The following APOLD1 variants were observed in gnomAD, a reference collection of about 807,000 sequenced individuals.
APOLD1 encodes the protein apolipoprotein L domain-containing protein 1.
In APOLD1, 22 loss-of-function variants were observed where a neutral mutation model predicts 15.3. The ratio of observed to expected loss-of-function variants is 1.44; its 90% confidence interval spans 1.03 to 2.05. The LOEUF is 2.05. Ranked by LOEUF, APOLD1 falls within the 30% of genes most tolerant of loss-of-function variation. APOLD1 has a pLI of 0.00. For synonymous variants in APOLD1, 190 were observed against 167.4 expected (o/e 1.13, Z -1.04); for missense variants, 394 against 353.5 (o/e 1.11, Z -0.92).
At chr12:12,745,227 GA>G (rs1458702486) in intron 1 of APOLD1, among the ~76,000 whole-genome samples, 1 of 152,132 alleles carries the variant, frequency 6.6e-6, no homozygotes, top group Admixed American at 6.5e-5. Context: ...GGAGATATTT[GA>G]AAGAGAATTT....
intron 1 of APOLD1, among the ~76,000 whole-genome samples, chr12:12,761,830 TAGAGAGAGAGAGAG>T (rs6144616): frequency 3.5e-5 from 4 of 114,590 alleles, no homozygotes; most frequent in Admixed American, 1.0e-4. Context: ...TGTATATGTA[TAGAGAGAGAGAGAG>T]AGAGAGAGAG....
intron 1 of APOLD1, among the ~76,000 whole-genome samples, chr12:12,727,760 CTTTT>C (rs34995291): frequency 1.4e-4 from 19 of 137,930 alleles, no homozygotes; most frequent in Non-Finnish European, 1.5e-4. Flanking sequence ...GCTCTGAAAC[CTTTT>C]TTTTTTTTTT....
intron 1 of APOLD1, among the ~76,000 whole-genome samples, chr12:12,763,340 G>A (rs2136387355): frequency 6.6e-6 from 1 of 151,898 alleles, no homozygotes; most frequent in Admixed American, 6.6e-5. Flanking sequence ...AAGAAAAATT[G>A]GTTCCGGGAC....
Position 12,787,284 on chromosome 12 carries a change from T to G in APOLD1, c.379T>G (p.Cys127Gly). 6.2e-7 allele frequency: 1 copy of G among 1,604,632 alleles called. No homozygotes were observed. The highest frequency in any genetic ancestry group is 8.5e-7 in the Non-Finnish European group (1 of 1,175,798). The change falls in exon 2 of 2, where the codon TGC (cysteine) becomes GGC (glycine). Residue 127 changes from cysteine to glycine, a missense_variant. Physicochemically the swap from Cys to Gly is radical, Grantham distance 159. Transcript: ENST00000356591. The surrounding 1 kb of genome is among the most constrained non-coding windows in gnomAD (Gnocchi z 4.9). ...LRRVQEIAAT[C>G]QDQMREILSC... ...GAGGGTGCAGGAGATCGCGGCCACC[T>G]GCCAGGACCAGATGCGAGAGATCCT...
chr12:12,779,844 A>C (rs1947065550), intron 1 of APOLD1, among the ~76,000 whole-genome samples: 1 of 152,210 alleles, frequency 6.6e-6, no homozygotes, highest in Non-Finnish European at 1.5e-5. Context: ...ACTAGTGATT[A>C]AGGATGTGTG....
At chr12:12,773,857 A>C (rs11055058) in intron 1 of APOLD1, among the ~76,000 whole-genome samples, 1,771 of 152,318 alleles carry the variant, frequency 0.012, 34 homozygotes, top group African/African-American at 0.04. Context: ...ATAGTCTTTC[A>C]ACAAATGGTG....
chr12:12,766,948 A>G (rs1946946977), intron 1 of APOLD1, among the ~76,000 whole-genome samples: 1 of 152,226 alleles, frequency 6.6e-6, no homozygotes, highest in Non-Finnish European at 1.5e-5. Flanking sequence ...AATAATAAAT[A>G]AGAGTTGGCC....
At chr12:12,734,124 G>A (rs2136369389) in intron 1 of APOLD1, among the ~76,000 whole-genome samples, 1 of 152,094 alleles carries the variant, frequency 6.6e-6, no homozygotes, top group East Asian at 1.9e-4. Flanking sequence ...TTGGCTTCTG[G>A]GGCACATAAA....
intron 1 of APOLD1, among the ~76,000 whole-genome samples, chr12:12,746,388 C>T (rs1322905244): frequency 5.3e-5 from 8 of 152,130 alleles, no homozygotes; most frequent in African/African-American, 1.9e-4. Flanking sequence ...CCCAGCTACT[C>T]AGGAGGCTGA....
At chr12:12,774,546 CAAAAAAAAAAAAAA>C (rs57343706) in intron 1 of APOLD1, among the ~76,000 whole-genome samples, 1 of 42,288 alleles carries the variant, frequency 2.4e-5, no homozygotes, top group East Asian at 9.6e-4. Flanking sequence ...ACTCTAACTC[CAAAAAAAAAAAAAA>C]AAAAAAAAAA....
chr12:12,786,809 G>A, intron 1 of APOLD1, 100 bp from the exon 2 acceptor site: 4 of 1,314,466 alleles, frequency 3.0e-6, no homozygotes, highest in Non-Finnish European at 3.9e-6. Context: ...TGGCTGCTCC[G>A]CTGAACTCGT....
chr12:12,771,164 A>G (rs1008470145), intron 1 of APOLD1, among the ~76,000 whole-genome samples: 1 of 152,244 alleles, frequency 6.6e-6, no homozygotes, highest in Non-Finnish European at 1.5e-5. Context: ...GAAGGAAAGA[A>G]CATCCGAGTC....
At chr12:12,747,813 A>C (rs529523175) in intron 1 of APOLD1, among the ~76,000 whole-genome samples, 26 of 152,360 alleles carry the variant, frequency 1.7e-4, no homozygotes, top group African/African-American at 5.3e-4. Flanking sequence ...GCAAGTGAAC[A>C]CACATGGAGT....
chr12:12,751,429 C>G (rs936497312), intron 1 of APOLD1, among the ~76,000 whole-genome samples: 4 of 152,072 alleles, frequency 2.6e-5, no homozygotes, highest in African/African-American at 7.2e-5. Flanking sequence ...TGGCTCACTA[C>G]AACTTCTACC....
chr12:12,749,351 C>T (rs968413309), intron 1 of APOLD1, among the ~76,000 whole-genome samples: 2 of 152,048 alleles, frequency 1.3e-5, no homozygotes, highest in East Asian at 1.9e-4. Context: ...GGTCATTTCA[C>T]GCTAACTTTC....
chr12:12,782,130 G>A (rs551730593), upstream of APOLD1, among the ~76,000 whole-genome samples: 49 of 152,052 alleles, frequency 3.2e-4, no homozygotes, highest in African/African-American at 1.1e-3. Context: ...ATGGTGGTGC[G>A]TGCCTGTAAT....
chr12:12,770,257 T>C (rs111343142), intron 1 of APOLD1, among the ~76,000 whole-genome samples: 16,177 of 151,948 alleles, frequency 0.11, 1,193 homozygotes, highest in Non-Finnish European at 0.16. Context: ...ATACAAAAAT[T>C]AGCCGGGCAT....
chr12:12,784,751 A>C (rs544020522), upstream of APOLD1, among the ~76,000 whole-genome samples: 11 of 152,296 alleles, frequency 7.2e-5, no homozygotes, highest in African/African-American at 2.6e-4. Flanking sequence ...GCTGAGCTCC[A>C]ACCACCTCTG....
intron 1 of APOLD1, among the ~76,000 whole-genome samples, chr12:12,756,240 T>C (rs1482151906): frequency 6.6e-6 from 1 of 152,240 alleles, no homozygotes; most frequent in Non-Finnish European, 1.5e-5. Flanking sequence ...ATGCCAGCAA[T>C]CGATTTTTCC....
Sources: gnomAD v4.1 joint callset for allele counts (sites outside exome capture counted in the v4.1 genomes callset) on GRCh38, gnomAD v4.1.1 for gene constraint, Gnocchi (gnomAD v3.1) non-coding constraint, MANE v1.5 for transcripts, NCBI Gene and HGNC (gene_info 2026-07-23, HGNC 2026-07-21) for gene names.